The following ZFPM2 variants were observed in gnomAD, a reference collection of about 807,000 sequenced individuals.
ZFPM2 encodes the protein zinc finger protein, FOG family member 2.
A neutral mutation model predicts 98.6 loss-of-function variants in ZFPM2; 20 were observed. That is an observed-to-expected ratio of 0.20 (90% CI 0.14 to 0.29). ZFPM2 has a LOEUF of 0.29. Among genes scored for constraint, ZFPM2 ranks in the 10% least tolerant of loss-of-function variants. ZFPM2 has a pLI of 1.00. For missense variants in ZFPM2, 1,310 were observed against 1,388.6 expected (o/e 0.94, Z 0.90); for synonymous variants, 518 against 502.7 (o/e 1.03, Z -0.41).
At chr8:105,622,943 G>A (rs1263249735) in intron 4 of ZFPM2, among the ~76,000 whole-genome samples, 1 of 152,028 alleles carries the variant, frequency 6.6e-6, no homozygotes, top group East Asian at 1.9e-4. Flanking sequence ...TTCATAATGT[G>A]TGTTCTTATA....
chr8:105,535,176 T>A (rs1004806984), intron 3 of ZFPM2, among the ~76,000 whole-genome samples: 1 of 152,186 alleles, frequency 6.6e-6, no homozygotes, highest in Non-Finnish European at 1.5e-5. Flanking sequence ...TATGTTACGA[T>A]CCAGATTTCC....
chr8:105,537,981 C>T (rs753663190), intron 3 of ZFPM2, among the ~76,000 whole-genome samples: 45 of 152,108 alleles, frequency 3.0e-4, no homozygotes, highest in Non-Finnish European at 1.2e-4. Context: ...CCGCCTACCT[C>T]AGCCTCCCAA....
At position 105,355,903 on chromosome 8, in the gene ZFPM2, T is replaced by A. The variant is rs145231006; in HGVS notation, c.40+36922T>A. On this transcript the variant is annotated intron_variant, in intron 1 of 7. Transcript: ENST00000407775. ...TTTGAACATGTAGATGTCATCAGAT[T>A]TTGTAATGAACTGGTGAAAATGTAT... is the stretch of plus-strand genomic sequence containing the variant. 5.2e-3 allele frequency among the ~76,000 whole-genome samples: 793 copies of A among 152,332 alleles called. 3 individuals carry two copies. The highest frequency in any genetic ancestry group is 8.2e-3 in the Non-Finnish European group (557 of 68,032).
Position 105,659,499 on chromosome 8 carries a change from T to G in ZFPM2, c.532+25142T>G, listed in dbSNP as rs151151940. Among the ~76,000 whole-genome samples the G allele has an allele frequency of 4.5e-3, 687 of 152,282 alleles. 2 individuals are homozygous for G. The highest frequency in any genetic ancestry group is 8.0e-3 in the Non-Finnish European group (547 of 67,996). On this transcript the variant is annotated intron_variant, in intron 5 of 7. Transcript: ENST00000407775. ...AGAGGATGAGCAATTCATTTAAAAA[T>G]ACAAAATCAAATAAATTGTTTTTAC...
rs182935571 is a variant in ZFPM2, at chr8:105,575,182, C to A, written c.420+13701C>A. Among the ~76,000 whole-genome samples, 205 of 152,278 alleles carry A rather than the reference C, an allele frequency of 1.3e-3. 1 individual carries two copies. Among genetic ancestry groups the A allele is most frequent in the South Asian group, 3.5e-3 (17 of 4,822 alleles). On this transcript the variant is annotated intron_variant, in intron 4 of 7. Transcript: ENST00000407775. ...GGGAGGAAGAGTGCGTGATGAAAGT[C>A]AAACAGTGGTCGGCTCCATTACTTC...
chr8:105,637,297 G>A (rs1486767267), intron 5 of ZFPM2, among the ~76,000 whole-genome samples: 7 of 151,960 alleles, frequency 4.6e-5, no homozygotes, highest in Admixed American at 1.3e-4. Flanking sequence ...AAAACCACTC[G>A]GGCTTTTATC....
chr8:105,322,582 A>G (rs1812048437), intron 1 of ZFPM2, among the ~76,000 whole-genome samples: 1 of 152,100 alleles, frequency 6.6e-6, no homozygotes, highest in African/African-American at 2.4e-5. Context: ...TTTATACCAT[A>G]AAAGTAGAGT....
In ZFPM2 at chr8:105,572,016, T is replaced by C. The variant is rs542706380; in HGVS notation, c.420+10535T>C. On this transcript the variant is annotated intron_variant, in intron 4 of 7. Transcript: ENST00000407775. ...TGCTGTGTGGTGGTCCAGGGGCAAG[T>C]ATTCTTGGGTAAATTTCTTTTTTTT... is the stretch of plus-strand genomic sequence containing the variant. Among the ~76,000 whole-genome samples, 199 of 151,208 alleles carry C rather than the reference T, an allele frequency of 1.3e-3. 2 individuals are homozygous for C. Among genetic ancestry groups the C allele is most frequent in the African/African-American group, 4.7e-3 (194 of 41,260 alleles).
At chr8:105,521,230 C>G (rs1185669467) in intron 3 of ZFPM2, among the ~76,000 whole-genome samples, 1 of 151,682 alleles carries the variant, frequency 6.6e-6, no homozygotes. Flanking sequence ...GGAAAGAGGG[C>G]CATCAGTAAA....
At chr8:105,400,156 C>T (rs573600500) in intron 1 of ZFPM2, among the ~76,000 whole-genome samples, 2 of 152,202 alleles carry the variant, frequency 1.3e-5, no homozygotes, top group African/African-American at 4.8e-5. Context: ...TCTAAAATAT[C>T]ACTCCCTGCT....
rs932870058 is a variant in ZFPM2, at chr8:105,435,464, G to T, written c.200-8816G>T. ...AAATTTAGAAAGTAAATGAATGGAT[G>T]TTAAATGAGTTCCTAGCTCTTTCTG... On this transcript the variant is annotated intron_variant, in intron 2 of 7. Coordinates refer to ENST00000407775, the MANE Select transcript of ZFPM2 (RefSeq NM_012082.4). Among the ~76,000 whole-genome samples the T allele has an allele frequency of 1.5e-4, 23 of 152,146 alleles. 1 individual carries two copies. The highest frequency in any genetic ancestry group is 1.2e-3 in the Admixed American group (18 of 15,280).
At chr8:105,556,673 T>TC (rs1814998709) in intron 3 of ZFPM2, among the ~76,000 whole-genome samples, 1 of 137,866 alleles carries the variant, frequency 7.3e-6, no homozygotes, top group African/African-American at 2.6e-5. Flanking sequence ...GTTCTTCCCT[T>TC]CCCCCTTCCC....
intron 1 of ZFPM2, among the ~76,000 whole-genome samples, chr8:105,336,072 G>T (rs551731861): frequency 6.6e-6 from 1 of 151,798 alleles, no homozygotes; most frequent in Non-Finnish European, 1.5e-5. Context: ...ATATATTTAC[G>T]TTTTAGAAGG....
At chr8:105,346,774 G>A (rs746356943) in intron 1 of ZFPM2, among the ~76,000 whole-genome samples, 4 of 152,202 alleles carry the variant, frequency 2.6e-5, no homozygotes, top group African/African-American at 9.6e-5. Flanking sequence ...AATGGGTTAA[G>A]GGGTTTTTTT....
At position 105,594,983 on chromosome 8, in the gene ZFPM2, TATAA is replaced by T. The variant is rs149404286; in HGVS notation, c.420+33507_420+33510del. ...GGATTCTATAAAAGTTGTTTCTTTT[TATAA>T]ATAAGCAGTAGAAACAACTTCTAGC... On this transcript the variant is annotated intron_variant, in intron 4 of 7. Coordinates refer to ENST00000407775, the MANE Select transcript of ZFPM2 (RefSeq NM_012082.4). Among the ~76,000 whole-genome samples the T allele has an allele frequency of 3.1e-3, 475 of 152,224 alleles. 1 individual carries two copies. The highest frequency in any genetic ancestry group is 0.011 in the African/African-American group (456 of 41,554).
At chr8:105,435,252 A>G (rs1812097462) in intron 2 of ZFPM2, among the ~76,000 whole-genome samples, 1 of 152,182 alleles carries the variant, frequency 6.6e-6, no homozygotes, top group African/African-American at 2.4e-5. Context: ...TTAATCTTGC[A>G]ATGGAAAACC....
chr8:105,569,424 C>T lies in ZFPM2; in HGVS notation c.420+7943C>T, dbSNP rs143778224. On this transcript the variant is annotated intron_variant, in intron 4 of 7. Coordinates refer to ENST00000407775, the MANE Select transcript of ZFPM2 (RefSeq NM_012082.4). Reference sequence around the variant, plus strand: ...TCGTCTGTGATCTTGCTTCATCTGCCTAACTCAGCAGAGCAATTACCACAG... The same window carrying T: ...TCGTCTGTGATCTTGCTTCATCTGCTTAACTCAGCAGAGCAATTACCACAG... Among the ~76,000 whole-genome samples, 200 of 152,284 alleles carry T rather than the reference C, an allele frequency of 1.3e-3. 2 individuals carry two copies. Among genetic ancestry groups the T allele is most frequent in the African/African-American group, 4.7e-3 (195 of 41,564 alleles).
rs575230079 is a variant in ZFPM2 at position 105,351,411 on chromosome 8, C to A, written c.40+32430C>A. ...TGTGTGTGTGTGTATGTAAATATTT[C>A]CAATCCATGATTGATTGAATTCTGG... is the stretch of plus-strand genomic sequence containing the variant. On this transcript the variant is annotated intron_variant, in intron 1 of 7. Transcript: ENST00000407775. Among the ~76,000 whole-genome samples the A allele has an allele frequency of 4.7e-5, 7 of 147,800 alleles. No individual in the cohort carries two copies. The East Asian group carries it at 1.2e-3, about 25-fold the overall frequency.
At chr8:105,556,410 A>C (rs1279296873) in intron 3 of ZFPM2, among the ~76,000 whole-genome samples, 1 of 152,158 alleles carries the variant, frequency 6.6e-6, no homozygotes, top group Non-Finnish European at 1.5e-5. Context: ...AATATTTATC[A>C]GGTACTTTGC....
Sources: allele counts gnomAD v4.1 joint callset (sites outside exome capture counted in the v4.1 genomes callset), GRCh38; gene constraint gnomAD v4.1.1; transcripts MANE v1.5; gene names NCBI Gene and HGNC (gene_info 2026-07-23, HGNC 2026-07-21).